Variants in CAVIN1 observed in about 807,000 individuals in gnomAD.
CAVIN1 encodes the protein caveolae associated protein 1, also known as caveolae-associated protein 1.
In CAVIN1, 16 loss-of-function variants were observed where a neutral mutation model predicts 24.0. That is an observed-to-expected ratio of 0.67 (90% CI 0.45 to 1.01). The LOEUF is 1.01. CAVIN1 is among the 50% of genes least tolerant of loss of function. The pLI, the probability that CAVIN1 is intolerant of heterozygous loss-of-function variation, is 0.00. For missense variants in CAVIN1, 510 were observed against 551.7 expected, an observed-to-expected ratio of 0.92 and a Z score of 0.76; for synonymous variants, 256 against 256.4, an observed-to-expected ratio of 1.00 and a Z score of 0.02.
intron 1 of CAVIN1, among the ~76,000 whole-genome samples, chr17:42,421,048 T>G (rs2085541987): frequency 6.6e-6 from 1 of 152,174 alleles, no homozygotes; most frequent in Non-Finnish European, 1.5e-5. Flanking sequence ...GGCAAACATT[T>G]TCTATCTAAA....
Position 42,422,800 on chromosome 17 carries a change from G to T in CAVIN1, c.298C>A (p.His100Asn). The change falls in exon 1 of 2, where the codon CAC (histidine) becomes AAC (asparagine). Residue 100 changes from histidine (H) to asparagine (N), a missense_variant. By Grantham distance (68) the His-to-Asn change is moderately conservative. Transcript: ENST00000357037. Reference protein sequence around the residue: ...QGELSKLGKAHATTSNTVSKL... With the variant: ...QGELSKLGKANATTSNTVSKL... ...CTCACCGTATTGCTCGTGGTGGCGT[G>T]CGCCTTGCCCAGCTTGCTCAGCTCG... 1 of 1,613,778 alleles carries T rather than the reference G, an allele frequency of 6.2e-7. No individual in the cohort carries two copies. Among genetic ancestry groups the T allele is most frequent in the Non-Finnish European group, 8.5e-7 (1 of 1,179,912 alleles).
In CAVIN1 at chr17:42,423,127, G is replaced by C; in HGVS notation, c.-30C>G. 1 of 1,494,766 alleles carries C rather than the reference G, an allele frequency of 6.7e-7. No individual in the cohort carries two copies. Among genetic ancestry groups the C allele is most frequent in the Non-Finnish European group, 9.0e-7 (1 of 1,111,338 alleles). 92.6% of individuals were successfully genotyped at this position (1,494,766 alleles called of 1,614,324 possible). On this transcript the variant is annotated 5_prime_UTR_variant, in exon 1 of 2. Transcript: ENST00000357037. ...ACCCGGAGCCGTGCGGGACCGGCCG[G>C]GTGGGGCTGGAGCTGGAGCGGGAGA...
rs1598569926 is a variant in CAVIN1 at position 42,404,473 on chromosome 17, A to C, written c.*214T>G. On this transcript the variant is annotated 3_prime_UTR_variant, in exon 2 of 2. Transcript: ENST00000357037. The stretch of plus-strand genomic sequence containing the variant: ...GGATTGACCATTCCCTTCCCATTCC[A>C]CTCGGACTGTGTCCAAGCGGGGGTT... The C allele has an allele frequency of 2.3e-6, 1 of 434,944 alleles. No homozygotes were observed. Among genetic ancestry groups the C allele is most frequent in the Non-Finnish European group, 4.1e-6 (1 of 245,862 alleles). The allele number at this position is 434,944 out of a possible 1,614,324, so 26.9% of individuals were successfully genotyped here.
Position 42,411,192 on chromosome 17 carries a change from C to CAAAAAAAAAAAAAAAAAAAAAAAA in CAVIN1, c.472-5805_472-5804insTTTTTTTTTTTTTTTTTTTTTTTT, listed in dbSNP as rs71157624. Among the ~76,000 whole-genome samples the CAAAAAAAAAAAAAAAAAAAAAAAA allele has an allele frequency of 5.8e-4, 27 of 46,644 alleles. 1 individual carries two copies. Among genetic ancestry groups the CAAAAAAAAAAAAAAAAAAAAAAAA allele is most frequent in the African/African-American group, 1.7e-3 (23 of 13,290 alleles). 30.6% of individuals were successfully genotyped at this position (46,644 alleles called of 152,430 possible). ...TGGGTGACAGAGTAGGACTATGTCT[C>CAAAAAAAAAAAAAAAAAAAAAAAA]AAAAAAAAAAAAAAAAACTAAAAGG... On this transcript the variant is annotated intron_variant, in intron 1 of 1. Transcript: ENST00000357037.
Position 42,405,016 on chromosome 17 carries a change from C to A in CAVIN1, c.844G>T (p.Val282Leu). The change falls in exon 2 of 2, where the codon GTG becomes TTG. Residue 282 changes from valine to leucine, a missense_variant. Val to Leu is a conservative substitution (Grantham distance 32). Coordinates refer to ENST00000357037, the MANE Select transcript of CAVIN1 (RefSeq NM_012232.6). ...AGTTTCTCGCGCCGCTCGGCGGGCA[C>A]CAGGCGCGTGCCCAGCTTGTTCATG... ...KRMNKLGTRL[V>L]PAERREKLKT... 6.2e-7 allele frequency: 1 copy of A among 1,614,174 alleles called. No individual in the cohort carries two copies.
intron 1 of CAVIN1, among the ~76,000 whole-genome samples, chr17:42,415,690 C>CA (rs1440743195): frequency 6.6e-6 from 1 of 150,394 alleles, no homozygotes; most frequent in Non-Finnish European, 1.5e-5. Flanking sequence ...CCAGCCTGGG[C>CA]AACAGAGTGA....
chr17:42,411,721 A>G, intron 1 of CAVIN1: 1 of 985,442 alleles, frequency 1.0e-6, no homozygotes, highest in Non-Finnish European at 1.2e-6. Flanking sequence ...AGGAGGAGGC[A>G]GCAGGGGGAA....
At chr17:42,411,437 TAGG>T in intron 1 of CAVIN1, 2 of 985,158 alleles carry the variant, frequency 2.0e-6, no homozygotes, top group Non-Finnish European at 2.4e-6. Flanking sequence ...CACTCTGCTA[TAGG>T]AAGGCCAGAG....
In CAVIN1 at chr17:42,404,564, G is replaced by A; in HGVS notation, c.*123C>T. The A allele has an allele frequency of 4.7e-6, 3 of 640,360 alleles. No homozygotes were observed. The highest frequency in any genetic ancestry group is 2.3e-5 in the South Asian group (1 of 43,288). 39.7% of individuals were successfully genotyped at this position (640,360 alleles called of 1,614,324 possible). On this transcript the variant is annotated 3_prime_UTR_variant, in exon 2 of 2. Transcript: ENST00000357037. ...TCTAAGACTGGGAGTGGAGTTCCTG[G>A]AGGTGTGGGGAGGGGGGCGTGTTTT...
intron 1 of CAVIN1, among the ~76,000 whole-genome samples, chr17:42,412,467 C>T (rs2085485303): frequency 6.9e-6 from 1 of 145,270 alleles, no homozygotes; most frequent in South Asian, 2.2e-4. Context: ...AATCATAGCT[C>T]ACTGCAGCCT....
rs12950246 is a variant in CAVIN1, at chr17:42,405,673, T to A, written c.472-285A>T. 0.096 allele frequency among the ~76,000 whole-genome samples: 11,029 copies of A among 114,584 alleles called. 458 individuals are homozygous for A. Among genetic ancestry groups the A allele is most frequent in the Non-Finnish European group, 0.11 (5,956 of 54,808 alleles). The allele number at this position is 114,584 out of a possible 152,430, so 75.2% of individuals were successfully genotyped here. ...CCCGCGTCGCCATTCTTTCTCTCTC[T>A]CTCTCCTTGTTTTTTTTTTTTTTTT... On this transcript the variant is annotated intron_variant, in intron 1 of 1. Transcript: ENST00000357037.
At chr17:42,412,896 C>T (rs1451072829) in intron 1 of CAVIN1, among the ~76,000 whole-genome samples, 3 of 151,222 alleles carry the variant, frequency 2.0e-5, no homozygotes, top group African/African-American at 4.9e-5. Context: ...GGATTACAGG[C>T]GGGAACCACT....
At position 42,404,920 on chromosome 17, in the gene CAVIN1, C is replaced by T. The variant is rs901807448; in HGVS notation, c.940G>A (p.Ala314Thr). 8 of 1,614,088 alleles carry T rather than the reference C, an allele frequency of 5.0e-6. No individual in the cohort carries two copies. The highest frequency in any genetic ancestry group is 6.8e-6 in the Non-Finnish European group (8 of 1,179,962). ...DHVVYARSKT[A>T]VYKVPPFTFH... ...GTGAAGGGTGGCACCTTGTAGACCGCGGTCTTGGAGCGCGCGTACACCACG... is the reference window on the plus strand; with the variant it reads ...GTGAAGGGTGGCACCTTGTAGACCGTGGTCTTGGAGCGCGCGTACACCACG... The change falls in exon 2 of 2, where the codon GCG (alanine) becomes ACG (threonine). Residue 314 changes from alanine (A) to threonine (T), a missense_variant. By Grantham distance (58) the Ala-to-Thr change is moderately conservative (BLOSUM62 0). Transcript: ENST00000357037.
chr17:42,418,229 C>CTTT (rs555569816), intron 1 of CAVIN1, among the ~76,000 whole-genome samples: 5 of 129,460 alleles, frequency 3.9e-5, no homozygotes, highest in African/African-American at 8.9e-5. Context: ...ACTGTATTTC[C>CTTT]TTTTTTTTTT....
intron 1 of CAVIN1, among the ~76,000 whole-genome samples, chr17:42,413,566 G>GAAAAAAAAAAAAAAAAAAA (rs60085741): frequency 7.0e-5 from 4 of 56,964 alleles, no homozygotes; most frequent in Non-Finnish European, 1.2e-4. Context: ...CTCAAAAAGG[G>GAAAAAAAAAAAAAAAAAAA]AAAAAAAAAA....
intron 1 of CAVIN1, among the ~76,000 whole-genome samples, chr17:42,414,918 C>A (rs1443766829): frequency 2.0e-5 from 3 of 150,798 alleles, no homozygotes; most frequent in Admixed American, 6.6e-5. Context: ...ACGCCCCTCC[C>A]CTCCCCAACA....
At chr17:42,405,682 G>GTTTTTTTTTTTTTTT (rs531661585) in intron 1 of CAVIN1, among the ~76,000 whole-genome samples, 6 of 57,808 alleles carry the variant, frequency 1.0e-4, no homozygotes, top group African/African-American at 2.4e-4. Context: ...CTCTCTCCTT[G>GTTTTTTTTTTTTTTT]TTTTTTTTTT....
chr17:42,411,192 CAAA>C (rs71157624), intron 1 of CAVIN1, among the ~76,000 whole-genome samples: 1 of 46,640 alleles, frequency 2.1e-5, no homozygotes, highest in Non-Finnish European at 3.7e-5. Flanking sequence ...GACTATGTCT[CAAA>C]AAAAAAAAAA....
chr17:42,413,565 GGAAA>G (rs2085493542), intron 1 of CAVIN1, among the ~76,000 whole-genome samples: 5 of 62,588 alleles, frequency 8.0e-5, no homozygotes, highest in African/African-American at 2.3e-4. Flanking sequence ...TCTCAAAAAG[GGAAA>G]AAAAAAAAAA....
Sources: gnomAD v4.1 joint callset for allele counts (sites outside exome capture counted in the v4.1 genomes callset) on GRCh38, gnomAD v4.1.1 for gene constraint, MANE v1.5 for transcripts, NCBI Gene and HGNC (gene_info 2026-07-23, HGNC 2026-07-21) for gene names.